Variants in MYO1D observed in about 807,000 individuals in gnomAD.
MYO1D encodes myosin ID.
MYO1D carries 83 observed loss-of-function variants against 122.0 expected under a neutral mutation model. That is an observed-to-expected ratio of 0.68 (90% CI 0.57 to 0.82). MYO1D has a LOEUF of 0.82. MYO1D is among the 40% of genes least tolerant of loss of function. The pLI is 0.00. For synonymous variants in MYO1D, 464 were observed against 446.9 expected, an observed-to-expected ratio of 1.04 and a Z score of -0.48; for missense variants, 1,157 against 1,269.5, an observed-to-expected ratio of 0.91 and a Z score of 1.35.
At chr17:32,597,868 CAAAAAA>C (rs755415435) in intron 21 of MYO1D, among the ~76,000 whole-genome samples, 36 of 62,710 alleles carry the variant, frequency 5.7e-4, no homozygotes, top group African/African-American at 1.8e-3. Context: ...AACCCTGTCT[CAAAAAA>C]AAAAAAAAAA....
intron 1 of MYO1D, 141 bp downstream of exon 1, chr17:32,876,636 AC>A (rs1440360402): frequency 1.4e-5 from 8 of 583,998 alleles, no homozygotes; most frequent in South Asian, 2.8e-5. Flanking sequence ...AGCTTGGCAG[AC>A]CCCCGGACAC....
chr17:32,518,641 G>C (rs1234519826), intron 21 of MYO1D: 1 of 152,138 alleles, frequency 6.6e-6, no homozygotes, highest in African/African-American at 2.4e-5. Context: ...CACTAAGACT[G>C]GCACACACTA....
intron 21 of MYO1D, among the ~76,000 whole-genome samples, chr17:32,585,363 T>C (rs1268297495): frequency 6.6e-6 from 1 of 152,194 alleles, no homozygotes; most frequent in Non-Finnish European, 1.5e-5. Context: ...CCAGCGATTG[T>C]TGCATGGGGA....
intron 14 of MYO1D, among the ~76,000 whole-genome samples, chr17:32,724,413 T>A (rs900074523): frequency 3.3e-5 from 5 of 152,218 alleles, no homozygotes; most frequent in East Asian, 1.9e-4. Flanking sequence ...ACACCCGTGC[T>A]GAGGGTTAAC....
chr17:32,696,118 A>G (rs554346710), intron 16 of MYO1D, among the ~76,000 whole-genome samples: 2 of 152,256 alleles, frequency 1.3e-5, no homozygotes, highest in African/African-American at 4.8e-5. Flanking sequence ...ATTTTGTAGA[A>G]TTTTCTAAGG....
chr17:32,761,774 A>G (rs2090004466), intron 8 of MYO1D, among the ~76,000 whole-genome samples: 5 of 152,128 alleles, frequency 3.3e-5, no homozygotes, highest in Admixed American at 3.3e-4. Context: ...CTCAAACTCA[A>G]AGGACTCTTG....
chr17:32,691,009 C>T (rs541900853), intron 16 of MYO1D, among the ~76,000 whole-genome samples: 61 of 152,126 alleles, frequency 4.0e-4, no homozygotes, highest in African/African-American at 1.3e-3. Flanking sequence ...TGCTTGTAAC[C>T]TCAGCACTTT....
intron 21 of MYO1D, among the ~76,000 whole-genome samples, chr17:32,553,091 CAA>C (rs2087034037): frequency 9.0e-6 from 1 of 110,548 alleles, no homozygotes; most frequent in Non-Finnish European, 1.8e-5. Flanking sequence ...AAAAAAAAAA[CAA>C]AAAACAAAAC....
At chr17:32,755,424 T>C (rs894156959) in intron 11 of MYO1D, 68 bp downstream of exon 11, 6 of 1,492,194 alleles carry the variant, frequency 4.0e-6, no homozygotes, top group Non-Finnish European at 5.5e-6. Flanking sequence ...TATAAAGTCG[T>C]TGAACTCCAT....
At chr17:32,749,314 T>C (rs1433751839) in intron 11 of MYO1D, among the ~76,000 whole-genome samples, 2 of 152,224 alleles carry the variant, frequency 1.3e-5, no homozygotes, top group Non-Finnish European at 2.9e-5. Context: ...CCCTCTGTGC[T>C]TTCTTCTCTC....
intron 16 of MYO1D, among the ~76,000 whole-genome samples, chr17:32,683,882 T>G (rs1190776598): frequency 1.3e-5 from 2 of 151,870 alleles, no homozygotes; most frequent in Non-Finnish European, 2.9e-5. Flanking sequence ...CAGACTGCTG[T>G]GCTAGCAATC....
intron 16 of MYO1D, among the ~76,000 whole-genome samples, chr17:32,668,869 T>C (rs572266527): frequency 6.6e-5 from 10 of 152,050 alleles, no homozygotes; most frequent in Non-Finnish European, 1.2e-4. Flanking sequence ...GCCTGGCTAA[T>C]TTTTTGTATT....
chr17:32,730,534 TTTTG>T (rs1487833725), intron 14 of MYO1D, among the ~76,000 whole-genome samples: 2 of 152,214 alleles, frequency 1.3e-5, no homozygotes, highest in Non-Finnish European at 2.9e-5. Flanking sequence ...TGTTTTTGGT[TTTTG>T]TTTTTCAGAA....
intron 4 of MYO1D, 68 bp downstream of exon 4, chr17:32,775,796 C>G: frequency 1.6e-6 from 2 of 1,283,354 alleles, no homozygotes. Flanking sequence ...AAAATAAATT[C>G]TATAAATATA....
intron 21 of MYO1D, chr17:32,498,127 G>A (rs929492997): frequency 2.0e-5 from 3 of 152,302 alleles, no homozygotes; most frequent in Non-Finnish European, 4.4e-5. Context: ...GAGTGCTGAG[G>A]GTGGCGGGGC....
At chr17:32,580,044 C>T (rs555223325) in intron 21 of MYO1D, among the ~76,000 whole-genome samples, 11 of 152,152 alleles carry the variant, frequency 7.2e-5, no homozygotes, top group African/African-American at 2.4e-4. Flanking sequence ...ATATGTTTAG[C>T]TTAAAACACT....
chr17:32,658,019 A>G (rs1487182401), intron 17 of MYO1D, among the ~76,000 whole-genome samples: 1 of 152,234 alleles, frequency 6.6e-6, no homozygotes, highest in Non-Finnish European at 1.5e-5. Context: ...ATATGTGACT[A>G]CGTAAAAAGC....
Position 32,870,100 on chromosome 17 carries a change from C to G in MYO1D, c.95+6678G>C, listed in dbSNP as rs191536534. 3.1e-4 allele frequency among the ~76,000 whole-genome samples: 47 copies of G among 152,266 alleles called. 1 individual carries two copies. Among genetic ancestry groups the G allele is most frequent in the Middle Eastern group, 6.8e-3 (2 of 294 alleles). On this transcript the variant is annotated intron_variant, in intron 1 of 21. Coordinates refer to ENST00000318217, the MANE Select transcript of MYO1D (RefSeq NM_015194.3). The stretch of plus-strand genomic sequence containing the variant: ...CCTGAATAAAAATAGTCTCGGAAAT[C>G]TGTCACGGAGTAGGAAAGGAAACCA...
intron 1 of MYO1D, among the ~76,000 whole-genome samples, chr17:32,844,687 T>G (rs889963486): frequency 9.2e-5 from 14 of 151,902 alleles, no homozygotes; most frequent in African/African-American, 3.4e-4. Flanking sequence ...ATCACGCCAC[T>G]GCACTCCAGC....
Sources: gnomAD v4.1 joint callset for allele counts (sites outside exome capture counted in the v4.1 genomes callset) on GRCh38, gnomAD v4.1.1 for gene constraint, MANE v1.5 for transcripts, NCBI Gene and HGNC (gene_info 2026-07-23, HGNC 2026-07-21) for gene names.